PRKD1: variants seen among roughly 807,000 people sequenced by gnomAD.
PRKD1 encodes serine/threonine-protein kinase D1.
PRKD1 carries 63 observed loss-of-function variants against 95.9 expected under a neutral mutation model. That is an observed-to-expected ratio of 0.66 (90% CI 0.54 to 0.81). The LOEUF (loss-of-function observed/expected upper bound fraction) is 0.81. Among genes scored for constraint, PRKD1 ranks in the 30% least tolerant of loss-of-function variants. PRKD1 has a pLI of 0.00. For synonymous variants in PRKD1, 425 were observed against 423.1 expected, an observed-to-expected ratio of 1.00 and a Z score of -0.05; for missense variants, 1,048 against 1,165.3, an observed-to-expected ratio of 0.90 and a Z score of 1.47.
intron 4 of PRKD1, among the ~76,000 whole-genome samples, chr14:29,651,718 C>A (rs957980958): frequency 6.6e-6 from 1 of 151,434 alleles, no homozygotes; most frequent in African/African-American, 2.4e-5. Flanking sequence ...CATAAGTAAC[C>A]TTTTTTTCAT....
At position 29,630,984 on chromosome 14, in the gene PRKD1, A is replaced by G. The variant is rs2139112610; in HGVS notation, c.1430T>C (p.Val477Ala). 1 of 1,613,326 alleles carries G rather than the reference A, an allele frequency of 6.2e-7. No homozygotes were observed. Among genetic ancestry groups the G allele is most frequent in the South Asian group, 1.1e-5 (1 of 91,016 alleles). ...ATTAGGAATTAAAGCTGAAGTTTTT[A>G]CTGGTTCCAGAGACAAAATTTCAGA... The part of the protein sequence containing the change: ...PLSEILSLEP[V>A]KTSALIPNGA... The change falls in exon 10 of 18, where the codon GTA (valine) becomes GCA (alanine). Residue 477 changes from valine to alanine, a missense_variant. Val to Ala is a moderately conservative substitution (Grantham distance 64). Coordinates refer to ENST00000331968, the MANE Select transcript of PRKD1 (RefSeq NM_002742.3).
chr14:29,764,079 G>T (rs988864049), intron 1 of PRKD1, among the ~76,000 whole-genome samples: 2 of 152,054 alleles, frequency 1.3e-5, no homozygotes, highest in Non-Finnish European at 2.9e-5. Context: ...TTCTGCAGAA[G>T]AGAATCACCT....
intron 11 of PRKD1, among the ~76,000 whole-genome samples, chr14:29,628,299 G>T (rs1399378109): frequency 1.3e-5 from 2 of 152,220 alleles, no homozygotes; most frequent in Non-Finnish European, 2.9e-5. Context: ...AGTGTAAGCT[G>T]TAAACTGCAT....
chr14:29,597,302 A>G (rs1258452783), intron 16 of PRKD1, among the ~76,000 whole-genome samples, 189 bp downstream of exon 16: 1 of 152,168 alleles, frequency 6.6e-6, no homozygotes, highest in Non-Finnish European at 1.5e-5. Context: ...ACTTCTTAAT[A>G]TATATAACCC....
rs749185204 is a variant in PRKD1 at position 29,632,922 on chromosome 14, C to A, written c.1339G>T (p.Asp447Tyr). The A allele has an allele frequency of 5.6e-6, 9 of 1,613,608 alleles. No individual in the cohort carries two copies. Among genetic ancestry groups the A allele is most frequent in the Non-Finnish European group, 7.6e-6 (9 of 1,179,702 alleles). Residue 447 changes from aspartate (D) to tyrosine (Y), a missense_variant, in exon 9 of 18, where the codon GAT (aspartate) becomes TAT (tyrosine). By Grantham distance (160) the Asp-to-Tyr change is radical. Around this residue, in one of 3 missense-constraint regions of PRKD1, gnomAD observed 739 missense variants for 861.9 expected, o/e 0.86. Transcript: ENST00000331968. ...TGAAAGAGGGTAATACATTTGCTAT[C>A]CAATCTCCAATAGTGCCGTTTCCGC... ...TLRKRHYWRL[D>Y]SKCITLFQND...
chr14:29,833,564 G>T (rs1437909688), intron 1 of PRKD1, among the ~76,000 whole-genome samples: 2 of 151,974 alleles, frequency 1.3e-5, no homozygotes, highest in Admixed American at 1.3e-4. Flanking sequence ...GTGCCTCAGA[G>T]GAAATGGATT....
At chr14:29,597,901 A>G in intron 15 of PRKD1, 143 bp from the exon 16 acceptor site, 4 of 901,058 alleles carry the variant, frequency 4.4e-6, no homozygotes, top group Non-Finnish European at 6.5e-6. Context: ...AGTAATAGCT[A>G]TTTTCCATTT....
At chr14:29,775,319 C>A (rs1888689756) in intron 1 of PRKD1, among the ~76,000 whole-genome samples, 1 of 152,168 alleles carries the variant, frequency 6.6e-6, no homozygotes, top group Admixed American at 6.5e-5. Flanking sequence ...GGGTGCAGCC[C>A]ACCGAATGAG....
intron 1 of PRKD1, among the ~76,000 whole-genome samples, chr14:29,749,212 T>C (rs911834514): frequency 1.3e-5 from 2 of 152,180 alleles, no homozygotes; most frequent in Non-Finnish European, 2.9e-5. Flanking sequence ...TACTACACTA[T>C]CTCTTCTCCC....
chr14:29,640,496 G>T (rs1406258969), intron 4 of PRKD1, among the ~76,000 whole-genome samples: 2 of 152,074 alleles, frequency 1.3e-5, no homozygotes, highest in African/African-American at 4.8e-5. Context: ...ATTCCATAAA[G>T]AAAAACTGTA....
intron 1 of PRKD1, among the ~76,000 whole-genome samples, chr14:29,864,615 C>T (rs915498739): frequency 7.9e-5 from 12 of 152,154 alleles, no homozygotes; most frequent in African/African-American, 2.6e-4. Context: ...ATGTTCCCTT[C>T]CACACAGAAA....
At chr14:29,807,897 T>C (rs1890302952) in intron 1 of PRKD1, among the ~76,000 whole-genome samples, 1 of 151,962 alleles carries the variant, frequency 6.6e-6, no homozygotes, top group Non-Finnish European at 1.5e-5. Flanking sequence ...AATTTTTGTA[T>C]TTCTAGTATA....
chr14:29,748,601 C>G (rs749898355), intron 1 of PRKD1, among the ~76,000 whole-genome samples: 30 of 152,212 alleles, frequency 2.0e-4, no homozygotes, highest in Non-Finnish European at 2.9e-4. Context: ...CATATGTTTA[C>G]TTGAAGCCCC....
At chr14:29,658,555 CTA>C (rs1348854630) in intron 4 of PRKD1, among the ~76,000 whole-genome samples, 2 of 151,970 alleles carry the variant, frequency 1.3e-5, no homozygotes, top group Non-Finnish European at 2.9e-5. Context: ...AGAGACAGCT[CTA>C]TCTTTTCATC....
intron 1 of PRKD1, among the ~76,000 whole-genome samples, chr14:29,745,246 T>C (rs928705581): frequency 6.6e-6 from 1 of 152,172 alleles, no homozygotes; most frequent in African/African-American, 2.4e-5. Context: ...TACACTTCTA[T>C]GATATATCTA....
At chr14:29,700,453 G>A (rs909101668) in intron 2 of PRKD1, among the ~76,000 whole-genome samples, 1 of 152,112 alleles carries the variant, frequency 6.6e-6, no homozygotes, top group African/African-American at 2.4e-5. Context: ...CGTAGAAGAA[G>A]CCTAATCACT....
intron 1 of PRKD1, among the ~76,000 whole-genome samples, chr14:29,804,035 A>G (rs1229944088): frequency 6.6e-6 from 1 of 152,094 alleles, no homozygotes; most frequent in African/African-American, 2.4e-5. Flanking sequence ...TGAGGTCAGG[A>G]GTTTGAAACC....
At chr14:29,822,874 A>G (rs1406352353) in intron 1 of PRKD1, among the ~76,000 whole-genome samples, 2 of 152,200 alleles carry the variant, frequency 1.3e-5, no homozygotes, top group Non-Finnish European at 2.9e-5. Flanking sequence ...AGGGATACCT[A>G]ACTAAAGAAG....
At chr14:29,730,556 A>G (rs1004072114) in intron 1 of PRKD1, among the ~76,000 whole-genome samples, 2 of 152,140 alleles carry the variant, frequency 1.3e-5, no homozygotes, top group African/African-American at 4.8e-5. Context: ...GAGGATCTCA[A>G]AGAGAAAACT....
Sources: gnomAD v4.1 joint callset for allele counts (sites outside exome capture counted in the v4.1 genomes callset) on GRCh38, gnomAD v4.1.1 for gene constraint, gnomAD v4.1.1 regional missense constraint, MANE v1.5 for transcripts, NCBI Gene and HGNC (gene_info 2026-07-23, HGNC 2026-07-21) for gene names.